The following KIAA1217 variants were observed in gnomAD, a reference collection of about 807,000 sequenced individuals.
The protein encoded by KIAA1217 is KIAA1217.
In KIAA1217, 88 loss-of-function variants were observed where a neutral mutation model predicts 163.9. The observed-to-expected ratio is 0.54, with a 90% CI of 0.45 to 0.64. The LOEUF is 0.64. Ranked by LOEUF, KIAA1217 falls within the 30% of genes least tolerant of loss-of-function variation. The pLI is 0.00. For missense variants in KIAA1217, 2,372 were observed against 2,475.0 expected (o/e 0.96, Z 0.88); for synonymous variants, 903 against 923.1 (o/e 0.98, Z 0.39).
chr10:24,399,950 C>T (rs1488705346), intron 3 of KIAA1217, among the ~76,000 whole-genome samples: 1 of 152,168 alleles, frequency 6.6e-6, no homozygotes, highest in Non-Finnish European at 1.5e-5. Context: ...AAGTGGAAAT[C>T]ACCATGGACA....
At chr10:24,359,461 T>TA (rs1448258214) in intron 2 of KIAA1217, among the ~76,000 whole-genome samples, 1 of 152,228 alleles carries the variant, frequency 6.6e-6, no homozygotes, top group Non-Finnish European at 1.5e-5. Context: ...GTATGTCAGA[T>TA]ATTGGCTTTA....
At chr10:23,999,361 C>T (rs1846639079) in intron 1 of KIAA1217, among the ~76,000 whole-genome samples, 1 of 152,182 alleles carries the variant, frequency 6.6e-6, no homozygotes, top group South Asian at 2.1e-4. Flanking sequence ...TGGACCCTGG[C>T]AGCACCAAGT....
intron 2 of KIAA1217, among the ~76,000 whole-genome samples, chr10:24,058,243 A>G (rs890954883): frequency 5.9e-5 from 9 of 152,052 alleles, no homozygotes; most frequent in Admixed American, 1.3e-4. Context: ...GTTCTGTACC[A>G]TTTGTCTATA....
At chr10:23,889,636 CA>C (rs1002701924) in intron 1 of KIAA1217, among the ~76,000 whole-genome samples, 1 of 151,812 alleles carries the variant, frequency 6.6e-6, no homozygotes, top group Non-Finnish European at 1.5e-5. Context: ...TAATGGTTTG[CA>C]TTGTATTTTC....
intron 2 of KIAA1217, among the ~76,000 whole-genome samples, chr10:24,197,621 C>G (rs567550816): frequency 6.6e-6 from 1 of 152,244 alleles, no homozygotes; most frequent in South Asian, 2.1e-4. Flanking sequence ...TTTCTACATC[C>G]TGCCAATTTT....
chr10:23,754,968 G>A (rs1438020476), intron 1 of KIAA1217, among the ~76,000 whole-genome samples: 1 of 151,282 alleles, frequency 6.6e-6, no homozygotes, highest in Non-Finnish European at 1.5e-5. Context: ...AAAACAATTG[G>A]CAAATGATTA....
At chr10:24,378,065 T>C (rs867340868) in intron 2 of KIAA1217, among the ~76,000 whole-genome samples, 1 of 152,144 alleles carries the variant, frequency 6.6e-6, no homozygotes, top group Non-Finnish European at 1.5e-5. Flanking sequence ...TAATACAGAT[T>C]CGCTTTATTT....
At chr10:24,070,801 C>G (rs2061158330) in intron 2 of KIAA1217, among the ~76,000 whole-genome samples, 1 of 151,986 alleles carries the variant, frequency 6.6e-6, no homozygotes, top group Non-Finnish European at 1.5e-5. Flanking sequence ...AGGGGAAAAA[C>G]TATTTAGAGA....
At chr10:23,745,932 C>A (rs1839387654) in intron 1 of KIAA1217, among the ~76,000 whole-genome samples, 1 of 152,208 alleles carries the variant, frequency 6.6e-6, no homozygotes, top group African/African-American at 2.4e-5. Flanking sequence ...ATGGTTCAGA[C>A]TTTCCTGATA....
intron 2 of KIAA1217, among the ~76,000 whole-genome samples, chr10:24,167,842 C>G (rs1404374427): frequency 6.6e-6 from 1 of 152,130 alleles, no homozygotes; most frequent in Non-Finnish European, 1.5e-5. Context: ...AAGGGGTTGG[C>G]ATCTGGCAAA....
At chr10:23,868,238 A>T (rs372479510) in intron 1 of KIAA1217, among the ~76,000 whole-genome samples, 1 of 152,070 alleles carries the variant, frequency 6.6e-6, no homozygotes, top group African/African-American at 2.4e-5. Context: ...ACTCCTGGGT[A>T]CATGGTTTTC....
In KIAA1217 at chr10:24,017,158, A is replaced by T. The variant is rs57094535; in HGVS notation, c.-171+9784A>T. On this transcript the variant is annotated intron_variant, in intron 2 of 18. Coordinates refer to the KIAA1217 transcript ENST00000376462. The stretch of plus-strand genomic sequence containing the variant: ...GCCTTGAACTCAGGGGCTCAAGTGA[A>T]CCTCCCACCTTAGCCTCTCAAGTAG... Among the ~76,000 whole-genome samples the T allele has an allele frequency of 9.9e-3, 1,506 of 151,412 alleles. 29 individuals carry two copies. Among genetic ancestry groups the T allele is most frequent in the African/African-American group, 0.035 (1,436 of 41,230 alleles).
intron 3 of KIAA1217, among the ~76,000 whole-genome samples, chr10:24,413,194 A>C (rs1459096889): frequency 6.6e-6 from 1 of 151,842 alleles, no homozygotes; most frequent in African/African-American, 2.4e-5. Flanking sequence ...CCTTGTAGTT[A>C]ATTCTTTTTG....
intron 2 of KIAA1217, among the ~76,000 whole-genome samples, chr10:24,356,769 T>C (rs558141792): frequency 5.9e-5 from 9 of 152,352 alleles, no homozygotes; most frequent in African/African-American, 2.2e-4. Flanking sequence ...CCTCGCCAGA[T>C]GCTGGCATCT....
intron 5 of KIAA1217, among the ~76,000 whole-genome samples, chr10:24,467,954 C>T (rs529216047): frequency 4.6e-5 from 7 of 152,118 alleles, no homozygotes; most frequent in African/African-American, 1.7e-4. Flanking sequence ...TACTCATTAG[C>T]CAAATAACAG....
At chr10:24,141,233 C>CA (rs1554882513) in intron 2 of KIAA1217, among the ~76,000 whole-genome samples, 1 of 132,490 alleles carries the variant, frequency 7.5e-6, no homozygotes, top group Non-Finnish European at 1.6e-5. Context: ...AAACCCCCCC[C>CA]CCCCATTTCT....
chr10:23,876,383 T>C (rs1840694988), intron 1 of KIAA1217, among the ~76,000 whole-genome samples: 1 of 151,724 alleles, frequency 6.6e-6, no homozygotes, highest in Admixed American at 6.6e-5. Context: ...TTGGGTACTA[T>C]GTTCACTCTA....
At chr10:23,965,578 G>T (rs1845031918) in intron 1 of KIAA1217, among the ~76,000 whole-genome samples, 2 of 152,208 alleles carry the variant, frequency 1.3e-5, no homozygotes, top group Non-Finnish European at 1.5e-5. Flanking sequence ...TGCTACATTT[G>T]AAAACAATTA....
At chr10:24,160,924 T>C (rs1231398216) in intron 2 of KIAA1217, among the ~76,000 whole-genome samples, 1 of 152,230 alleles carries the variant, frequency 6.6e-6, no homozygotes, top group Non-Finnish European at 1.5e-5. Flanking sequence ...TTGAATTTAA[T>C]AGCATTAATG....
Sources: gnomAD v4.1 joint callset for allele counts (sites outside exome capture counted in the v4.1 genomes callset) on GRCh38, gnomAD v4.1.1 for gene constraint, MANE v1.5 for transcripts, NCBI Gene and HGNC (gene_info 2026-07-23, HGNC 2026-07-21) for gene names.